The following DCDC1 variants were observed in gnomAD, a reference collection of about 807,000 sequenced individuals.
DCDC1 encodes doublecortin domain containing 1.
Under a neutral mutation model 178.3 loss-of-function variants are expected in DCDC1, and 200 were observed. The observed-to-expected ratio is 1.12, with a 90% CI of 1.00 to 1.26. DCDC1 has a LOEUF of 1.26. Among genes scored for constraint, DCDC1 ranks in the 50% most tolerant of loss-of-function variants. The probability of loss-of-function intolerance (pLI) is 0.00; values close to 1 mark genes in which losing one functional copy is unlikely to be tolerated. For missense variants in DCDC1, 1,983 were observed against 1,749.2 expected (o/e 1.13, Z -2.38); for synonymous variants, 690 against 604.8 (o/e 1.14, Z -2.07).
chr11:31,017,071 A>G (rs974800357), intron 20 of DCDC1, among the ~76,000 whole-genome samples: 7 of 152,254 alleles, frequency 4.6e-5, no homozygotes, highest in African/African-American at 1.7e-4. Flanking sequence ...TAATTGATGC[A>G]GATACTACTG....
chr11:31,017,843 T>C (rs1952590562), intron 20 of DCDC1, among the ~76,000 whole-genome samples: 1 of 152,206 alleles, frequency 6.6e-6, no homozygotes, highest in South Asian at 2.1e-4. Context: ...TCCTCCCACA[T>C]TGGCCTCCAA....
chr11:30,891,385 C>A (rs1201980212), intron 36 of DCDC1, among the ~76,000 whole-genome samples: 1 of 152,116 alleles, frequency 6.6e-6, no homozygotes, highest in Non-Finnish European at 1.5e-5. Flanking sequence ...AGTCATCCCC[C>A]AGTTAGATAT....
In DCDC1 at chr11:30,931,852, CTG is replaced by C. The variant is rs756369007; in HGVS notation, c.2814_2815del (p.Arg939SerfsTer9). ...ATTCTTCTCTCCATTCTGCAAAACT[CTG>C]AGTCGCACAGGGGCATATGGCTCTG... On this transcript the variant is annotated frameshift_variant, in exon 22 of 39. Transcript: ENST00000684477. LOFTEE classifies it high-confidence loss of function. 6.2e-7 allele frequency: 1 copy of C among 1,613,148 alleles called. No homozygotes were observed. Among genetic ancestry groups the C allele is most frequent in the Admixed American group, 1.7e-5 (1 of 59,910 alleles).
At chr11:30,941,146 C>T (rs755441324) in intron 21 of DCDC1, among the ~76,000 whole-genome samples, 28 of 152,148 alleles carry the variant, frequency 1.8e-4, no homozygotes, top group Non-Finnish European at 3.4e-4. Flanking sequence ...TCATCACCTC[C>T]ATTCCTACCA....
At chr11:31,207,660 G>A (rs530874898) in intron 9 of DCDC1, among the ~76,000 whole-genome samples, 1 of 152,200 alleles carries the variant, frequency 6.6e-6, no homozygotes, top group Admixed American at 6.5e-5. Flanking sequence ...ATGCAAACAT[G>A]CCTTAATGTA....
In DCDC1 at chr11:30,952,588, A is replaced by G. The variant is rs762472900; in HGVS notation, c.2592-20T>C. ...GCCCACCTAAAACAAAAGATAAAAA[A>G]CAAAAAGAAATTTAGCAAGGTTAAA... is the stretch of plus-strand genomic sequence containing the variant. On this transcript the variant is annotated intron_variant, in intron 20 of 38. Coordinates refer to ENST00000684477, the MANE Select transcript of DCDC1 (RefSeq NM_001387274.1). 12 of 1,101,922 alleles carry G rather than the reference A, an allele frequency of 1.1e-5. No individual in the cohort carries two copies. The South Asian group carries it at 1.7e-4, about 16-fold the overall frequency. The allele number at this position is 1,101,922 out of a possible 1,614,324, so 68.3% of individuals were successfully genotyped here. A position where few individuals can be genotyped will look rare whatever the true frequency, so the allele number is the denominator to read the frequency against.
At chr11:31,340,271 C>T (rs1950477100) in intron 1 of DCDC1, among the ~76,000 whole-genome samples, 1 of 152,064 alleles carries the variant, frequency 6.6e-6, no homozygotes, top group South Asian at 2.1e-4. Context: ...CAAATCTACC[C>T]CACACTATTC....
chr11:31,088,977 G>A (rs1957638277), intron 17 of DCDC1, among the ~76,000 whole-genome samples: 1 of 152,060 alleles, frequency 6.6e-6, no homozygotes, highest in Admixed American at 6.6e-5. Context: ...TGGAATTACG[G>A]GCATGAGCCA....
intron 1 of DCDC1, among the ~76,000 whole-genome samples, chr11:31,341,679 C>G (rs1015174295): frequency 2.0e-5 from 3 of 152,114 alleles, no homozygotes; most frequent in Non-Finnish European, 4.4e-5. Context: ...AAAAGTAATA[C>G]ACTGCACTAC....
chr11:31,023,827 T>C (rs900803445), intron 20 of DCDC1, among the ~76,000 whole-genome samples: 3 of 151,908 alleles, frequency 2.0e-5, no homozygotes, highest in East Asian at 3.9e-4. Context: ...ATCAGATATA[T>C]GCAAATTAAG....
chr11:30,878,757 A>C, intron 37 of DCDC1, 46 bp from the exon 38 acceptor site: 1 of 1,514,634 alleles, frequency 6.6e-7, no homozygotes. Flanking sequence ...AGTCAATGTT[A>C]TAGAAAATAA....
intron 9 of DCDC1, among the ~76,000 whole-genome samples, chr11:31,188,804 CTATGGT>C (rs2136333656): frequency 6.6e-6 from 1 of 152,284 alleles, no homozygotes; most frequent in African/African-American, 2.4e-5. Flanking sequence ...AAGATGAGTG[CTATGGT>C]CTGAAAATGT....
intron 22 of DCDC1, among the ~76,000 whole-genome samples, chr11:30,929,134 AG>A: frequency 6.6e-6 from 1 of 152,122 alleles, no homozygotes. Context: ...TCATTCGTTC[AG>A]TAGTCACTAA....
intron 7 of DCDC1, among the ~76,000 whole-genome samples, chr11:31,288,419 T>C (rs1946992488): frequency 6.6e-6 from 1 of 152,078 alleles, no homozygotes; most frequent in East Asian, 1.9e-4. Context: ...GAATATATCA[T>C]TTTGGCCCTC....
intron 2 of DCDC1, among the ~76,000 whole-genome samples, chr11:31,329,181 C>G (rs928555487): frequency 1.3e-5 from 2 of 151,836 alleles, no homozygotes; most frequent in African/African-American, 4.8e-5. Flanking sequence ...GGATTGCTAG[C>G]TTTAAGAAAA....
chr11:31,117,347 A>C (rs1274375081), intron 11 of DCDC1, among the ~76,000 whole-genome samples: 1 of 151,598 alleles, frequency 6.6e-6, no homozygotes, highest in Non-Finnish European at 1.5e-5. Context: ...TCTATTTTAC[A>C]TAGTAGATTC....
intron 1 of DCDC1, among the ~76,000 whole-genome samples, chr11:31,346,867 T>C (rs1482596686): frequency 6.6e-6 from 1 of 152,204 alleles, no homozygotes; most frequent in Non-Finnish European, 1.5e-5. Context: ...TGTTTGAAAA[T>C]GTTCATTAAA....
intron 29 of DCDC1, among the ~76,000 whole-genome samples, chr11:30,907,409 A>G (rs934818264): frequency 1.1e-4 from 16 of 152,184 alleles, no homozygotes; most frequent in African/African-American, 3.9e-4. Flanking sequence ...TTGGTCCTCC[A>G]ATCGGGAAGT....
intron 20 of DCDC1, among the ~76,000 whole-genome samples, chr11:31,044,799 C>T (rs190570175): frequency 2.0e-5 from 3 of 152,248 alleles, no homozygotes; most frequent in Non-Finnish European, 4.4e-5. Flanking sequence ...GGTGAAAACT[C>T]GCTGTGTTTA....
Sources: allele counts gnomAD v4.1 joint callset (sites outside exome capture counted in the v4.1 genomes callset), GRCh38; gene constraint gnomAD v4.1.1; transcripts MANE v1.5; gene names NCBI Gene and HGNC (gene_info 2026-07-23, HGNC 2026-07-21).